The following NBPF26 variants were observed in gnomAD, a reference collection of about 807,000 sequenced individuals.
NBPF26 encodes the protein NBPF member 26, also known as NBPF family member NBPF26.
In NBPF26, 79 loss-of-function variants were observed where a neutral mutation model predicts 119.6. The observed-to-expected ratio is 0.66, with a 90% CI of 0.55 to 0.80. The LOEUF is 0.80. Ranked by LOEUF, NBPF26 falls within the 30% of genes least tolerant of loss-of-function variation. NBPF26 has a pLI of 0.00. For missense variants in NBPF26, 800 were observed against 1,198.2 expected (o/e 0.67, Z 4.91); for synonymous variants, 299 against 457.7 (o/e 0.65, Z 4.43).
Position 120,747,436 on chromosome 1 carries a change from C to T in NBPF26, c.74-16192C>T, listed in dbSNP as rs2101374061. Among the ~76,000 whole-genome samples, 2 of 28,834 alleles carry T rather than the reference C, an allele frequency of 6.9e-5. 1 individual carries two copies. The highest frequency in any genetic ancestry group is 1.7e-3 in the East Asian group (2 of 1,160). 18.9% of individuals were successfully genotyped at this position (28,834 alleles called of 152,430 possible). ...AGTTTCTTTGCATTTTTCTGGCATA[C>T]TGTATACTCTTGAGCGCATATGTAT... is the stretch of plus-strand genomic sequence containing the variant. On this transcript the variant is annotated intron_variant, in intron 1 of 29. Coordinates refer to ENST00000620612, the Ensembl canonical transcript of NBPF26.
At position 120,724,492 on chromosome 1, in the gene NBPF26, C is replaced by T. The variant is rs1213294614; in HGVS notation, c.73+242C>T. On this transcript the variant is annotated intron_variant, in intron 1 of 29. Transcript: ENST00000620612. ...GCGGCCCGGGACCCCTCACACGCCT[C>T]CTCGGCAGGAGGGAGGCCGGCAGCA... is the stretch of plus-strand genomic sequence containing the variant. 9.1e-5 allele frequency among the ~76,000 whole-genome samples: 11 copies of T among 121,270 alleles called. 3 individuals carry two copies. Among genetic ancestry groups the T allele is most frequent in the Non-Finnish European group, 1.8e-4 (11 of 61,338 alleles). 79.6% of individuals were successfully genotyped at this position (121,270 alleles called of 152,430 possible). A position where few individuals can be genotyped will look rare whatever the true frequency, so the allele number is the denominator to read the frequency against.
At chr1:120,807,844 C>A (rs1170990202) in intron 6 of NBPF26, 135 bp downstream of exon 6, 2 of 531,110 alleles carry the variant, frequency 3.8e-6, no homozygotes, top group Non-Finnish European at 6.5e-6. Context: ...TCGCTACACA[C>A]AAATATTTAT....
At position 120,784,884 on chromosome 1, in the gene NBPF26, C is replaced by G; in HGVS notation, c.156-90C>G. The stretch of plus-strand genomic sequence containing the variant: ...AGGTCTGTTGATTCACAATCTCGTG[C>G]TTTCTTGATTGGACTGTATTGTTTT... On this transcript the variant is annotated intron_variant, in intron 2 of 29. Transcript: ENST00000620612. The G allele has an allele frequency of 3.9e-6, 4 of 1,032,610 alleles. 1 individual carries two copies. Among genetic ancestry groups the G allele is most frequent in the Non-Finnish European group, 5.5e-6 (4 of 723,894 alleles). The allele number at this position is 1,032,610 out of a possible 1,614,324, so 64.0% of individuals were successfully genotyped here. A position where few individuals can be genotyped will look rare whatever the true frequency, so the allele number is the denominator to read the frequency against.
At chr1:120,779,963 TG>T (rs1651343939) in intron 2 of NBPF26, among the ~76,000 whole-genome samples, 1 of 131,058 alleles carries the variant, frequency 7.6e-6, no homozygotes, top group African/African-American at 3.2e-5. Flanking sequence ...CTTAGCTTCC[TG>T]GGGTGTGAAG....
chr1:120,767,805 G>A lies in NBPF26; in HGVS notation c.155+4096G>A, dbSNP rs1164723798. ...TGATTAAAGATCATGGACAACTCAAGTTCACTAGGATTCTGGGGGTAGGTT... is the reference window on the plus strand; with the variant it reads ...TGATTAAAGATCATGGACAACTCAAATTCACTAGGATTCTGGGGGTAGGTT... On this transcript the variant is annotated intron_variant, in intron 2 of 29. Transcript: ENST00000620612. 2.4e-4 allele frequency among the ~76,000 whole-genome samples: 27 copies of A among 111,926 alleles called. 9 individuals carry two copies. The highest frequency in any genetic ancestry group is 1.5e-3 in the African/African-American group (27 of 18,540). The allele number at this position is 111,926 out of a possible 152,430, so 73.4% of individuals were successfully genotyped here. A position where few individuals can be genotyped will look rare whatever the true frequency, so the allele number is the denominator to read the frequency against.
At chr1:120,752,550 ATATATTTTTTTT>A (rs1651031640) in intron 1 of NBPF26, among the ~76,000 whole-genome samples, 3 of 9,864 alleles carry the variant, frequency 3.0e-4, no homozygotes, top group Non-Finnish European at 5.0e-4. Context: ...ATATATATAT[ATATATTTTTTTT>A]TTTTTTTTTT....
In NBPF26 at chr1:120,805,855, T is replaced by C. The variant is rs1651668977; in HGVS notation, c.961+90T>C. The C allele has an allele frequency of 1.0e-5, 11 of 1,099,052 alleles. 2 individuals are homozygous for C. The highest frequency in any genetic ancestry group is 5.4e-5 in the African/African-American group (2 of 36,980). The allele number at this position is 1,099,052 out of a possible 1,614,324, so 68.1% of individuals were successfully genotyped here. A position where few individuals can be genotyped will look rare whatever the true frequency, so the allele number is the denominator to read the frequency against. On this transcript the variant is annotated intron_variant, in intron 5 of 29. Coordinates refer to ENST00000620612, the Ensembl canonical transcript of NBPF26. Reference sequence around the variant, plus strand: ...TAAATGCTCTCTCCATCAAAAAGAATTTCATCCTTCCTGTACTTCTAGGAA... The same window carrying C: ...TAAATGCTCTCTCCATCAAAAAGAACTTCATCCTTCCTGTACTTCTAGGAA...
In NBPF26 at chr1:120,807,394, C is replaced by T. The variant is rs1281169216; in HGVS notation, c.962-213C>T. On this transcript the variant is annotated intron_variant, in intron 5 of 29. Coordinates refer to ENST00000620612, the Ensembl canonical transcript of NBPF26. The stretch of plus-strand genomic sequence containing the variant: ...TCATCTTGTCAACTTCCTTGATGCG[C>T]CCTTGAGTTTCTCTTTCTTCGTCTT... Among the ~76,000 whole-genome samples the T allele has an allele frequency of 9.6e-5, 12 of 124,492 alleles. 2 individuals are homozygous for T. The highest frequency in any genetic ancestry group is 3.8e-4 in the Admixed American group (5 of 13,026). 81.7% of individuals were successfully genotyped at this position (124,492 alleles called of 152,430 possible). A position where few individuals can be genotyped will look rare whatever the true frequency, so the allele number is the denominator to read the frequency against.
chr1:120,810,673 G>T, intron 9 of NBPF26, 115 bp downstream of exon 9: 1 of 1,261,764 alleles, frequency 7.9e-7, no homozygotes, highest in Admixed American at 2.0e-5. Flanking sequence ...CTGGGATGGA[G>T]CTAGGTGCTG....
rs1194133389 is a variant in NBPF26 at position 120,764,090 on chromosome 1, T to C, written c.155+381T>C. On this transcript the variant is annotated intron_variant, in intron 2 of 29. Coordinates refer to ENST00000620612, the Ensembl canonical transcript of NBPF26. ...AGTGAAACCCTATCTCTACTAAAAA[T>C]ACAAAAATTAGCCAGGTGTGGTGGC... Among the ~76,000 whole-genome samples, 106 of 107,642 alleles carry C rather than the reference T, an allele frequency of 9.8e-4. 21 individuals carry two copies. The Middle Eastern group carries it at 0.012, about 12-fold the overall frequency. 70.6% of individuals were successfully genotyped at this position (107,642 alleles called of 152,430 possible).
intron 4 of NBPF26, among the ~76,000 whole-genome samples, chr1:120,802,493 CATG>C (rs1326199125): frequency 8.0e-6 from 1 of 125,528 alleles, no homozygotes; most frequent in Non-Finnish European, 1.6e-5. Flanking sequence ...ACAACAGAGA[CATG>C]AGCCCTTCGG....
chr1:120,818,718 T>C (rs1318059854), intron 15 of NBPF26, among the ~76,000 whole-genome samples: 1 of 122,802 alleles, frequency 8.1e-6, no homozygotes, highest in Non-Finnish European at 1.6e-5. Context: ...ACATCTTTAT[T>C]TCTGCCTTCA....
chr1:120,841,034 T>C, downstream of NBPF26: 1 of 114,874 alleles, frequency 8.7e-6, no homozygotes, highest in Non-Finnish European at 1.5e-5. Context: ...TTTTAGCTGA[T>C]CCATCTGTAA....
At chr1:120,728,774 G>A (rs1272271299) in intron 1 of NBPF26, among the ~76,000 whole-genome samples, 1 of 114,188 alleles carries the variant, frequency 8.8e-6, no homozygotes, top group Non-Finnish European at 1.7e-5. Flanking sequence ...AACTTGTACT[G>A]GATTGAGAGA....
At position 120,809,867 on chromosome 1, in the gene NBPF26, G is replaced by T. The variant is rs1183412097; in HGVS notation, c.1336G>T (p.Glu446Ter). The T allele has an allele frequency of 1.2e-4, 161 of 1,323,850 alleles. 1 individual carries two copies. In the East Asian group the frequency reaches 3.7e-3, roughly 30 times the overall value. The allele number at this position is 1,323,850 out of a possible 1,614,324, so 82.0% of individuals were successfully genotyped here. ...AGTTGAGGAGGATGAGAAAGTACTGGAATCATCTGCCCCCAGGTAACACTG... is the reference window on the plus strand; with the variant it reads ...AGTTGAGGAGGATGAGAAAGTACTGTAATCATCTGCCCCCAGGTAACACTG... The change falls in exon 8 of 30, where the codon GAA (glutamate) becomes TAA (stop). Residue 446 changes from glutamate (E) to a stop codon, truncating the protein, a stop_gained. Coordinates refer to ENST00000620612, the Ensembl canonical transcript of NBPF26. LOFTEE classifies it high-confidence loss of function.
rs1324095510 is a variant in NBPF26 at position 120,726,749 on chromosome 1, CT to C, written c.73+2508del. On this transcript the variant is annotated intron_variant, in intron 1 of 29. Coordinates refer to ENST00000620612, the Ensembl canonical transcript of NBPF26. The stretch of plus-strand genomic sequence containing the variant: ...TTTTCCTTTCACTTTCTTATTATTC[CT>C]TTTTTTTTGGTGTGGTGGAGAGGAG... Among the ~76,000 whole-genome samples the C allele has an allele frequency of 2.0e-4, 22 of 108,652 alleles. 7 individuals carry two copies. Among genetic ancestry groups the C allele is most frequent in the Non-Finnish European group, 2.4e-4 (14 of 57,984 alleles). 71.3% of individuals were successfully genotyped at this position (108,652 alleles called of 152,430 possible).
chr1:120,767,781 G>C lies in NBPF26; in HGVS notation c.155+4072G>C. Among the ~76,000 whole-genome samples, 2 of 113,226 alleles carry C rather than the reference G, an allele frequency of 1.8e-5. 1 individual carries two copies. Among genetic ancestry groups the C allele is most frequent in the Non-Finnish European group, 3.3e-5 (2 of 59,842 alleles). 74.3% of individuals were successfully genotyped at this position (113,226 alleles called of 152,430 possible). A position where few individuals can be genotyped will look rare whatever the true frequency, so the allele number is the denominator to read the frequency against. ...TATAAACCATTCTAAATCCCAATTTGATTAAAGATCATGGACAACTCAAGT... is the reference window on the plus strand; with the variant it reads ...TATAAACCATTCTAAATCCCAATTTCATTAAAGATCATGGACAACTCAAGT... On this transcript the variant is annotated intron_variant, in intron 2 of 29. Transcript: ENST00000620612.
rs1651108567 is a variant in NBPF26, at chr1:120,759,268, T to TA, written c.74-4360_74-4359insA. Among the ~76,000 whole-genome samples the TA allele has an allele frequency of 6.1e-5, 3 of 48,806 alleles. No homozygotes were observed. The East Asian group carries it at 1.2e-3, about 20-fold the overall frequency. 32.0% of individuals were successfully genotyped at this position (48,806 alleles called of 152,430 possible). On this transcript the variant is annotated intron_variant, in intron 1 of 29. Transcript: ENST00000620612. The stretch of plus-strand genomic sequence containing the variant: ...ATTGAAATCTACTACTTCTTTTTGC[T>TA]TTTTTTTTTTTTTTTTTTTTTTGGT...
At chr1:120,842,125 AT>A (rs1652531560), downstream of NBPF26, among the ~76,000 whole-genome samples, 1 of 109,294 alleles carries the variant, frequency 9.1e-6, no homozygotes, top group South Asian at 2.6e-4. Flanking sequence ...GGACTTTTGG[AT>A]TGTTTTTTAC....
Sources: gnomAD v4.1 joint callset for allele counts (sites outside exome capture counted in the v4.1 genomes callset) on GRCh38, gnomAD v4.1.1 for gene constraint, MANE v1.5 for transcripts, NCBI Gene and HGNC (gene_info 2026-07-23, HGNC 2026-07-21) for gene names.